GPC5: variants seen among roughly 807,000 people sequenced by gnomAD.
GPC5 encodes glypican 5, also known as glypican-5.
GPC5 carries 47 observed loss-of-function variants against 53.9 expected under a neutral mutation model. The observed-to-expected ratio is 0.87, with a 90% CI of 0.69 to 1.11. The LOEUF (loss-of-function observed/expected upper bound fraction) is 1.11. Ranked by LOEUF, GPC5 falls within the 50% of genes most tolerant of loss-of-function variation. GPC5 has a pLI of 0.00. For missense variants in GPC5, 748 were observed against 713.1 expected, an observed-to-expected ratio of 1.05 and a Z score of -0.56; for synonymous variants, 286 against 263.3, an observed-to-expected ratio of 1.09 and a Z score of -0.84.
intron 2 of GPC5, among the ~76,000 whole-genome samples, chr13:91,566,931 C>CTTTT (rs372108616): frequency 0.23 from 32,094 of 140,534 alleles, 4,019 homozygotes; most frequent in South Asian, 0.37. Flanking sequence ...TCTTCCAATT[C>CTTTT]TTTTTTTTTT....
At chr13:92,859,408 A>G (rs1879109777) in intron 7 of GPC5, among the ~76,000 whole-genome samples, 1 of 152,156 alleles carries the variant, frequency 6.6e-6, no homozygotes, top group Non-Finnish European at 1.5e-5. Context: ...ACTGCAGACT[A>G]TCACTACCAT....
chr13:92,409,466 C>T (rs1390969725), intron 7 of GPC5, among the ~76,000 whole-genome samples: 1 of 151,984 alleles, frequency 6.6e-6, no homozygotes, highest in Admixed American at 6.6e-5. Flanking sequence ...CTATGCCACA[C>T]TAATATTTAA....
intron 6 of GPC5, among the ~76,000 whole-genome samples, chr13:91,910,106 A>C (rs1361736969): frequency 6.6e-6 from 1 of 152,216 alleles, no homozygotes. Flanking sequence ...AGAGGAGAGC[A>C]GAAAGTTATG....
chr13:91,900,307 T>C (rs2039485146), intron 5 of GPC5, among the ~76,000 whole-genome samples: 1 of 152,092 alleles, frequency 6.6e-6, no homozygotes, highest in African/African-American at 2.4e-5. Context: ...ATAACAGTTT[T>C]CCCCTAAATA....
chr13:92,354,990 T>TAATTTAATATTA (rs71120099), intron 7 of GPC5, among the ~76,000 whole-genome samples: 73,478 of 150,112 alleles, frequency 0.49, 20,203 homozygotes, highest in African/African-American at 0.76. Flanking sequence ...CTTTAATATA[T>TAATTTAATATTA]AATTTAATAT....
chr13:91,896,745 ATGTT>A (rs2039446395), intron 5 of GPC5, among the ~76,000 whole-genome samples: 1 of 152,120 alleles, frequency 6.6e-6, no homozygotes, highest in South Asian at 2.1e-4. Flanking sequence ...TCAGCCAAAT[ATGTT>A]TGTTAGTAAT....
At chr13:91,907,387 AAT>A (rs2039564460) in intron 5 of GPC5, among the ~76,000 whole-genome samples, 1 of 145,278 alleles carries the variant, frequency 6.9e-6, no homozygotes, top group Non-Finnish European at 1.5e-5. Flanking sequence ...ATATATATAT[AAT>A]ATATATTAGG....
At chr13:92,204,808 A>G (rs543462529) in intron 7 of GPC5, among the ~76,000 whole-genome samples, 2 of 152,316 alleles carry the variant, frequency 1.3e-5, no homozygotes, top group East Asian at 3.9e-4. Flanking sequence ...AACACACAGA[A>G]TGTTGTCAAT....
At chr13:92,312,703 TG>T (rs2043152977) in intron 7 of GPC5, among the ~76,000 whole-genome samples, 1 of 152,202 alleles carries the variant, frequency 6.6e-6, no homozygotes, top group Non-Finnish European at 1.5e-5. Context: ...GTGATCTTCA[TG>T]TTAAATTAGA....
At chr13:92,366,639 C>T (rs899131542) in intron 7 of GPC5, among the ~76,000 whole-genome samples, 2 of 148,090 alleles carry the variant, frequency 1.4e-5, no homozygotes, top group Non-Finnish European at 2.9e-5. Context: ...TGGGTGCTAT[C>T]GTGGCTAAGG....
At chr13:91,478,334 GA>G in intron 2 of GPC5, among the ~76,000 whole-genome samples, 1 of 152,018 alleles carries the variant, frequency 6.6e-6, no homozygotes, top group East Asian at 1.9e-4. Context: ...CAAATGTTAT[GA>G]AATGTACAAA....
At chr13:92,345,669 C>T (rs1184618069) in intron 7 of GPC5, among the ~76,000 whole-genome samples, 17 of 152,150 alleles carry the variant, frequency 1.1e-4, no homozygotes, top group Non-Finnish European at 1.5e-5. Flanking sequence ...CTGAAGTCAG[C>T]ACAATGCCAG....
intron 2 of GPC5, among the ~76,000 whole-genome samples, chr13:91,681,877 C>T (rs924413677): frequency 5.3e-5 from 8 of 152,222 alleles, no homozygotes; most frequent in Middle Eastern, 3.4e-3. Flanking sequence ...TTATCATACA[C>T]AATATCTTAA....
At chr13:92,710,043 A>G (rs886584681) in intron 7 of GPC5, among the ~76,000 whole-genome samples, 1 of 152,236 alleles carries the variant, frequency 6.6e-6, no homozygotes, top group Non-Finnish European at 1.5e-5. Flanking sequence ...CACTGGCAGA[A>G]ATACCACTGT....
At chr13:92,817,522 CATCA>C (rs1877518460) in intron 7 of GPC5, among the ~76,000 whole-genome samples, 1 of 151,900 alleles carries the variant, frequency 6.6e-6, no homozygotes, top group Admixed American at 6.5e-5. Flanking sequence ...AAAATATCAG[CATCA>C]ATCAAACTAT....
chr13:91,697,143 A>ATTTT (rs1019469856), intron 3 of GPC5, among the ~76,000 whole-genome samples: 1 of 151,938 alleles, frequency 6.6e-6, no homozygotes, highest in African/African-American at 2.4e-5. Flanking sequence ...ATTTATCTGA[A>ATTTT]TTTTTTTTCT....
At chr13:92,569,436 C>T (rs1004118265) in intron 7 of GPC5, among the ~76,000 whole-genome samples, 5 of 151,914 alleles carry the variant, frequency 3.3e-5, no homozygotes, top group Non-Finnish European at 5.9e-5. Context: ...TGATGGCGTG[C>T]CGGGATCTAA....
chr13:91,828,648 A>C (rs2038611498), intron 5 of GPC5, among the ~76,000 whole-genome samples: 2 of 152,056 alleles, frequency 1.3e-5, no homozygotes, highest in Admixed American at 1.3e-4. Context: ...AAAGAATGTT[A>C]GATACAGGTG....
At chr13:92,090,676 C>A (rs963647564) in intron 6 of GPC5, among the ~76,000 whole-genome samples, 1 of 152,176 alleles carries the variant, frequency 6.6e-6, no homozygotes, top group African/African-American at 2.4e-5. Context: ...CAGAGATGAG[C>A]TTTCTCTTCC....
Sources: gnomAD v4.1 joint callset for allele counts (sites outside exome capture counted in the v4.1 genomes callset) on GRCh38, gnomAD v4.1.1 for gene constraint, MANE v1.5 for transcripts, NCBI Gene and HGNC (gene_info 2026-07-23, HGNC 2026-07-21) for gene names.